The following ABI3BP variants were observed in gnomAD, a reference collection of about 807,000 sequenced individuals.
ABI3BP encodes the protein ABI family member 3 binding protein.
In ABI3BP, 216 loss-of-function variants were observed where a neutral mutation model predicts 268.6. That is an observed-to-expected ratio of 0.80 (90% CI 0.72 to 0.90). The LOEUF is 0.90. ABI3BP is among the 40% of genes least tolerant of loss of function. The pLI, the probability that ABI3BP is intolerant of heterozygous loss-of-function variation, is 0.00. For synonymous variants in ABI3BP, 730 were observed against 730.0 expected (o/e 1.00, Z 0.00); for missense variants, 2,090 against 2,182.4 (o/e 0.96, Z 0.84).
chr3:100,750,635 T>C (rs2149163814), intron 67 of ABI3BP, 25 bp from the exon 68 acceptor site: 1 of 1,540,606 alleles, frequency 6.5e-7, no homozygotes, highest in East Asian at 2.3e-5. Flanking sequence ...AGTTTCATTT[T>C]AATAGCTGCT....
intron 41 of ABI3BP, among the ~76,000 whole-genome samples, chr3:100,818,126 A>C (rs1171088765): frequency 6.6e-6 from 1 of 152,208 alleles, no homozygotes; most frequent in Non-Finnish European, 1.5e-5. Flanking sequence ...GAAACAAAAA[A>C]ATCAATGTTA....
chr3:100,891,373 A>G (rs1190903225), intron 4 of ABI3BP, among the ~76,000 whole-genome samples: 2 of 152,234 alleles, frequency 1.3e-5, no homozygotes, highest in Non-Finnish European at 2.9e-5. Context: ...AGTAAATAAT[A>G]TCAAAGCAAT....
intron 1 of ABI3BP, chr3:100,931,059 T>C (rs2063476472): frequency 6.6e-6 from 1 of 152,088 alleles, no homozygotes; most frequent in Non-Finnish European, 1.5e-5. Flanking sequence ...ATAAATGTGA[T>C]TCATCACATA....
intron 37 of ABI3BP, 114 bp from the exon 38 acceptor site, chr3:100,822,786 G>A (rs1438958482): frequency 5.9e-6 from 5 of 851,562 alleles, no homozygotes; most frequent in Non-Finnish European, 9.1e-6. Context: ...CTTTTAGTTC[G>A]AGATTTTTGT....
At chr3:100,801,870 A>T (rs1455695015) in intron 51 of ABI3BP, among the ~76,000 whole-genome samples, 1 of 152,164 alleles carries the variant, frequency 6.6e-6, no homozygotes, top group Non-Finnish European at 1.5e-5. Flanking sequence ...TTTTGACAAA[A>T]AGTATAAATG....
intron 2 of ABI3BP, among the ~76,000 whole-genome samples, chr3:100,905,739 A>C (rs760367079): frequency 2.0e-5 from 3 of 152,190 alleles, no homozygotes; most frequent in South Asian, 2.1e-4. Flanking sequence ...TCACTTAGGA[A>C]TTAAAGGCCC....
rs1445277992 is a variant in ABI3BP at position 100,816,673 on chromosome 3, G to A, written c.3229+15C>T. 21 of 1,534,134 alleles carry A rather than the reference G, an allele frequency of 1.4e-5. 1 individual carries two copies. In the East Asian group the frequency reaches 1.5e-4, roughly 11 times the overall value. On this transcript the variant is annotated intron_variant, in intron 43 of 67. Coordinates refer to ENST00000471714, the MANE Select transcript of ABI3BP (RefSeq NM_001375547.2). ...AGGTTCCTTGGCTACTTAAGCCAAG[G>A]ATTCATACATTTACCCGATTTGTTC...
intron 1 of ABI3BP, among the ~76,000 whole-genome samples, chr3:100,937,503 C>A (rs1469682401): frequency 6.6e-6 from 1 of 151,984 alleles, no homozygotes; most frequent in African/African-American, 2.4e-5. Context: ...TACCTACATA[C>A]ACAACATAGT....
At position 100,946,672 on chromosome 3, in the gene ABI3BP, C is replaced by T. The variant is rs534397886; in HGVS notation, c.80-20191G>A. On this transcript the variant is annotated intron_variant, in intron 1 of 67. Transcript: ENST00000471714. Reference sequence around the variant, plus strand: ...GCGTGGTGGTGCATGCCTGTAATCTCAGCTACTTGGGAGGCTAAGGCAGGA... The same window carrying T: ...GCGTGGTGGTGCATGCCTGTAATCTTAGCTACTTGGGAGGCTAAGGCAGGA... Among the ~76,000 whole-genome samples, 4 of 151,878 alleles carry T rather than the reference C, an allele frequency of 2.6e-5. No individual in the cohort carries two copies. The South Asian group carries it at 8.3e-4, about 32-fold the overall frequency.
At chr3:100,799,120 TA>T (rs1332306017) in intron 51 of ABI3BP, among the ~76,000 whole-genome samples, 2 of 152,070 alleles carry the variant, frequency 1.3e-5, no homozygotes, top group South Asian at 2.1e-4. Flanking sequence ...CTAATATCTT[TA>T]AAAAAAATCA....
At chr3:100,830,124 T>C (rs1373793362) in intron 32 of ABI3BP, among the ~76,000 whole-genome samples, 45 of 34,230 alleles carry the variant, frequency 1.3e-3, no homozygotes, top group East Asian at 0.013. Context: ...TATATATATA[T>C]ATATATATAT....
intron 2 of ABI3BP, among the ~76,000 whole-genome samples, chr3:100,910,582 C>T (rs2576387): frequency 0.84 from 127,447 of 151,284 alleles, 53,862 homozygotes; most frequent in East Asian, 1. Context: ...ACTATGCTGC[C>T]CAGGTTGGTC....
rs563760403 is a variant in ABI3BP, at chr3:100,877,167, A to C, written c.697-607T>G. Among the ~76,000 whole-genome samples the C allele has an allele frequency of 2.6e-5, 4 of 152,310 alleles. No homozygotes were observed. In the South Asian group the frequency reaches 8.3e-4, roughly 32 times the overall value. On this transcript the variant is annotated intron_variant, in intron 6 of 67. Coordinates refer to ENST00000471714, the MANE Select transcript of ABI3BP (RefSeq NM_001375547.2). ...AACCAAATCTTCTGTACTGAATATTAGTTTATTTTCATTACATTTGAGATA... is the reference window on the plus strand; with the variant it reads ...AACCAAATCTTCTGTACTGAATATTCGTTTATTTTCATTACATTTGAGATA...
chr3:100,778,688 A>T (rs569485531), intron 58 of ABI3BP: 5 of 271,320 alleles, frequency 1.8e-5, no homozygotes, highest in South Asian at 1.1e-4. Flanking sequence ...TGGATGGAAA[A>T]TTTTTTTAAA....
chr3:100,832,193 T>G (rs992951884), intron 31 of ABI3BP, 71 bp downstream of exon 31: 1 of 1,396,272 alleles, frequency 7.2e-7, no homozygotes, highest in African/African-American at 1.4e-5. Context: ...ATAGATTATA[T>G]GTACATAGAA....
At chr3:100,752,482 G>A (rs551811346) in intron 66 of ABI3BP, 317 of 248,286 alleles carry the variant, frequency 1.3e-3, no homozygotes, top group African/African-American at 6.4e-3. Context: ...ATTGTCAGTC[G>A]GTTTTTTTAT....
chr3:100,954,970 T>G (rs1259809014), intron 1 of ABI3BP, among the ~76,000 whole-genome samples: 1 of 139,952 alleles, frequency 7.1e-6, no homozygotes, highest in African/African-American at 2.6e-5. Flanking sequence ...TGTTTTAAAT[T>G]TTGTCTTTTT....
intron 4 of ABI3BP, among the ~76,000 whole-genome samples, chr3:100,891,462 A>C (rs2044618713): frequency 6.6e-6 from 1 of 152,244 alleles, no homozygotes; most frequent in Non-Finnish European, 1.5e-5. Context: ...TACATGTGTC[A>C]TCTTACTAAA....
At chr3:100,902,718 C>G in intron 2 of ABI3BP, 32 bp from the exon 3 acceptor site, 1 of 1,599,588 alleles carries the variant, frequency 6.3e-7, no homozygotes, top group Non-Finnish European at 8.6e-7. Context: ...ATCAGAAAAA[C>G]CCTTTGAGAA....
Sources: allele counts gnomAD v4.1 joint callset (sites outside exome capture counted in the v4.1 genomes callset), GRCh38; gene constraint gnomAD v4.1.1; transcripts MANE v1.5; gene names NCBI Gene and HGNC (gene_info 2026-07-23, HGNC 2026-07-21).